Variants in C11orf65 observed in about 807,000 individuals in gnomAD.
The protein encoded by C11orf65 is protein MFI.
Under a neutral mutation model 35.3 loss-of-function variants are expected in C11orf65, and 38 were observed. That is an observed-to-expected ratio of 1.08 (90% CI 0.83 to 1.41). The LOEUF is 1.41. C11orf65 is among the 40% of genes most tolerant of loss of function. The pLI is 0.00. For synonymous variants in C11orf65, 105 were observed against 114.4 expected (o/e 0.92, Z 0.53); for missense variants, 370 against 367.1 (o/e 1.01, Z -0.06).
chr11:108,371,548 TAATA>T (rs2091576651), intron 2 of C11orf65, among the ~76,000 whole-genome samples: 1 of 152,216 alleles, frequency 6.6e-6, no homozygotes, highest in Non-Finnish European at 1.5e-5. Context: ...GTCTATGTTG[TAATA>T]TATTGCAGAA....
intron 6 of C11orf65, among the ~76,000 whole-genome samples, chr11:108,402,841 T>G (rs1329527824): frequency 1.3e-5 from 2 of 152,192 alleles, no homozygotes; most frequent in Admixed American, 6.5e-5. Context: ...CAGTATGTAT[T>G]CTTTTTTGAT....
chr11:108,381,932 C>T (rs1295388526), downstream of C11orf65, among the ~76,000 whole-genome samples: 1 of 106,066 alleles, frequency 9.4e-6, no homozygotes, highest in Non-Finnish European at 2.1e-5. Context: ...CGGCTTCCTC[C>T]TTGCTCTCTC....
intron 3 of C11orf65, chr11:108,333,749 A>C: frequency 2.6e-6 from 2 of 770,134 alleles, no homozygotes; most frequent in Non-Finnish European, 4.6e-6. Context: ...CAAAGCCCAG[A>C]GTCTTCATTT....
At chr11:108,446,131 G>A (rs1316969994) in intron 2 of C11orf65, among the ~76,000 whole-genome samples, 2 of 152,122 alleles carry the variant, frequency 1.3e-5, no homozygotes, top group Non-Finnish European at 2.9e-5. Context: ...ATGGGACTAC[G>A]TGAAAAGACC....
intron 2 of C11orf65, among the ~76,000 whole-genome samples, chr11:108,435,187 T>G (rs2093044246): frequency 6.6e-6 from 1 of 152,212 alleles, no homozygotes; most frequent in Non-Finnish European, 1.5e-5. Flanking sequence ...TGTCCTTCTT[T>G]GTACCTTTGT....
chr11:108,426,584 T>C (rs1028013506), intron 3 of C11orf65, among the ~76,000 whole-genome samples: 6 of 152,164 alleles, frequency 3.9e-5, no homozygotes, highest in African/African-American at 1.4e-4. Flanking sequence ...CAAAGTAATT[T>C]ATAGATTCTA....
Position 108,335,071 on chromosome 11 carries a change from G to A in C11orf65, c.299+149C>T, listed in dbSNP as rs587779870. ...AAATTTACCAAAAATAATAGATTGT[G>A]TAGGTTCCGATGGCAAGGAGAGGAG... On this transcript the variant is annotated intron_variant, in intron 3 of 3. Coordinates refer to the C11orf65 transcript ENST00000524755. The A allele has an allele frequency of 9.9e-6, 16 of 1,613,996 alleles. No individual in the cohort carries two copies. The highest frequency in any genetic ancestry group is 9.3e-6 in the Non-Finnish European group (11 of 1,179,998).
rs34838175 is a variant in C11orf65 at position 108,332,034 on chromosome 11, T to C, written c.300-467A>G. The C allele has an allele frequency of 4.2e-5, 67 of 1,613,720 alleles. No individual in the cohort carries two copies. The highest frequency in any genetic ancestry group is 5.7e-5 in the Non-Finnish European group (67 of 1,179,764). On this transcript the variant is annotated intron_variant, in intron 3 of 3. Coordinates refer to the C11orf65 transcript ENST00000524755. Reference sequence around the variant, plus strand: ...TGCCTAAACAAAGCTCTCAGCTTGATGAGGTATTTGGATTAAACATACGTA... The same window carrying C: ...TGCCTAAACAAAGCTCTCAGCTTGACGAGGTATTTGGATTAAACATACGTA...
chr11:108,369,855 T>C (rs903518252), intron 2 of C11orf65, among the ~76,000 whole-genome samples: 3 of 152,206 alleles, frequency 2.0e-5, no homozygotes, highest in Non-Finnish European at 2.9e-5. Flanking sequence ...ACCTCACTAA[T>C]TACTAGGGAG....
intron 2 of C11orf65, among the ~76,000 whole-genome samples, chr11:108,369,563 G>A (rs1482801100): frequency 6.6e-6 from 1 of 152,154 alleles, no homozygotes; most frequent in Non-Finnish European, 1.5e-5. Flanking sequence ...CATAAATATA[G>A]TGGAGTCAAA....
At chr11:108,426,165 A>T (rs996832514) in intron 3 of C11orf65, among the ~76,000 whole-genome samples, 1 of 152,210 alleles carries the variant, frequency 6.6e-6, no homozygotes, top group Non-Finnish European at 1.5e-5. Flanking sequence ...AGGCAAGAGA[A>T]AAAAATAAAG....
chr11:108,381,395 T>G (rs1185643378), downstream of C11orf65, among the ~76,000 whole-genome samples: 1 of 152,190 alleles, frequency 6.6e-6, no homozygotes, highest in Non-Finnish European at 1.5e-5. Context: ...AACCTAGAAC[T>G]ATGATTGCTA....
intron 6 of C11orf65, among the ~76,000 whole-genome samples, chr11:108,323,525 A>G (rs1186060572): frequency 6.6e-6 from 1 of 152,188 alleles, no homozygotes; most frequent in Non-Finnish European, 1.5e-5. Context: ...AATTTACTGT[A>G]TATTTTTAAA....
intron 2 of C11orf65, chr11:108,369,235 G>A (rs2091475112): frequency 6.5e-6 from 1 of 153,788 alleles, no homozygotes; most frequent in South Asian, 2.1e-4. Flanking sequence ...GAGGAGGATA[G>A]GCAACTGACC....
At chr11:108,343,144 G>T (rs2136933339) in intron 2 of C11orf65, 1 of 1,566,974 alleles carries the variant, frequency 6.4e-7, no homozygotes, top group Non-Finnish European at 8.8e-7. Flanking sequence ...GCTTTGCACT[G>T]ACTCTGATAG....
chr11:108,404,568 C>T (rs1002218030), intron 6 of C11orf65, among the ~76,000 whole-genome samples: 11 of 147,288 alleles, frequency 7.5e-5, no homozygotes, highest in Admixed American at 5.7e-4. Context: ...CCACCAAGCC[C>T]GGCTAATTTT....
In C11orf65 at chr11:108,334,001, A is replaced by T. The variant is rs777010026; in HGVS notation, c.299+1219T>A. 10 of 1,535,120 alleles carry T rather than the reference A, an allele frequency of 6.5e-6. No individual in the cohort carries two copies. Among genetic ancestry groups the T allele is most frequent in the Non-Finnish European group, 8.1e-6 (9 of 1,110,640 alleles). ...GCAATTAACTCTTGATTTTTTTTAA[A>T]CTAAATTTTTTTTATTAGATTGAAC... On this transcript the variant is annotated intron_variant, in intron 3 of 3. Transcript: ENST00000524755.
chr11:108,326,100 G>A (rs2085651553), intron 6 of C11orf65: 1 of 1,614,094 alleles, frequency 6.2e-7, no homozygotes, highest in Non-Finnish European at 8.5e-7. Flanking sequence ...GTACAATTCA[G>A]TTAGCTGTGG....
chr11:108,366,048 A>C lies in C11orf65; in HGVS notation c.226+27160T>G, dbSNP rs868594741. 3.9e-4 allele frequency: 64 copies of C among 164,900 alleles called. No homozygotes were observed. The highest frequency in any genetic ancestry group is 6.7e-4 in the Non-Finnish European group (52 of 77,160). 10.2% of individuals were successfully genotyped at this position (164,900 alleles called of 1,614,324 possible). On this transcript the variant is annotated intron_variant, in intron 2 of 3. Transcript: ENST00000524755. ...CCATCTCAAAAAAAAAAAAAAAAAA[A>C]CAGAAACGTATTTGGATTTTTCCTA...
Sources: gnomAD v4.1 joint callset for allele counts (sites outside exome capture counted in the v4.1 genomes callset) on GRCh38, gnomAD v4.1.1 for gene constraint, MANE v1.5 for transcripts, NCBI Gene and HGNC (gene_info 2026-07-23, HGNC 2026-07-21) for gene names.